The following MARCHF6 variants were observed in gnomAD, a reference collection of about 807,000 sequenced individuals.
MARCHF6 encodes the protein membrane associated ring-CH-type finger 6.
A neutral mutation model predicts 133.7 loss-of-function variants in MARCHF6; 31 were observed. That is an observed-to-expected ratio of 0.23 (90% confidence interval 0.17 to 0.31). The LOEUF (loss-of-function observed/expected upper bound fraction) is 0.31. Among genes scored for constraint, MARCHF6 ranks in the 10% least tolerant of loss-of-function variants. The pLI, the probability that MARCHF6 is intolerant of heterozygous loss-of-function variation, is 1.00. For missense variants in MARCHF6, 723 were observed against 1,121.6 expected, an observed-to-expected ratio of 0.64 and a Z score of 5.08; for synonymous variants, 395 against 402.5, an observed-to-expected ratio of 0.98 and a Z score of 0.22.
In MARCHF6 at chr5:10,378,697, G is replaced by T; in HGVS notation, c.117-62G>T. ...CATTTTTAATAAAAACAATGTTTTC[G>T]ACAAAACTGTAATGTTTCTTTGCTG... On this transcript the variant is annotated intron_variant, in intron 2 of 25. Coordinates refer to ENST00000274140, the MANE Select transcript of MARCHF6 (RefSeq NM_005885.4). 3.8e-6 allele frequency: 4 copies of T among 1,039,298 alleles called. No individual in the cohort carries two copies. The South Asian group carries it at 5.7e-5, about 15-fold the overall frequency. The allele number at this position is 1,039,298 out of a possible 1,614,324, so 64.4% of individuals were successfully genotyped here. A position where few individuals can be genotyped will look rare whatever the true frequency, so the allele number is the denominator to read the frequency against.
rs1470424251 is a variant in MARCHF6 at position 10,421,976 on chromosome 5, A to T, written c.2284-1759A>T. Reference sequence around the variant, plus strand: ...AGGAAGTTAAGGCAGAGCAGTCAGAACACATGCCAGTTTGACAGCACTGCT... The same window carrying T: ...AGGAAGTTAAGGCAGAGCAGTCAGATCACATGCCAGTTTGACAGCACTGCT... On this transcript the variant is annotated intron_variant, in intron 22 of 25. Coordinates refer to ENST00000274140, the MANE Select transcript of MARCHF6 (RefSeq NM_005885.4). 2.6e-5 allele frequency: 4 copies of T among 152,264 alleles called. No individual in the cohort carries two copies. The East Asian group carries it at 7.7e-4, about 29-fold the overall frequency. 9.4% of individuals were successfully genotyped at this position (152,264 alleles called of 1,614,324 possible). A position where few individuals can be genotyped will look rare whatever the true frequency, so the allele number is the denominator to read the frequency against.
intron 7 of MARCHF6, among the ~76,000 whole-genome samples, chr5:10,392,313 G>A (rs1196156519): frequency 6.6e-6 from 1 of 152,184 alleles, no homozygotes; most frequent in Admixed American, 6.5e-5. Context: ...AGTTGGATTA[G>A]GTACTACTTT....
chr5:10,429,396 T>G (rs1003511445), intron 24 of MARCHF6, among the ~76,000 whole-genome samples: 4 of 125,222 alleles, frequency 3.2e-5, no homozygotes, highest in Non-Finnish European at 6.3e-5. Context: ...GTCCAGTTCC[T>G]TTTTTTTTTT....
chr5:10,366,665 G>A (rs1317390400), intron 1 of MARCHF6, among the ~76,000 whole-genome samples: 1 of 152,222 alleles, frequency 6.6e-6, no homozygotes, highest in African/African-American at 2.4e-5. Context: ...AAAGGCAGCA[G>A]CCTAGCTTCC....
chr5:10,366,790 T>C (rs756149778), intron 1 of MARCHF6, among the ~76,000 whole-genome samples: 1 of 152,068 alleles, frequency 6.6e-6, no homozygotes, highest in Non-Finnish European at 1.5e-5. Context: ...ATGTACCTAA[T>C]CACAAGAAAC....
rs772912835 is a variant in MARCHF6, at chr5:10,411,436, G to T, written c.1795G>T (p.Val599Leu). 163 of 1,614,114 alleles carry T rather than the reference G, an allele frequency of 1.0e-4. No individual in the cohort carries two copies. The highest frequency in any genetic ancestry group is 1.4e-4 in the Non-Finnish European group (160 of 1,180,034). Residue 599 changes from valine (V) to leucine (L), a missense_variant, in exon 19 of 26, where the codon GTG (valine) becomes TTG (leucine). Around this residue, in one of 4 missense-constraint regions of MARCHF6, gnomAD observed 492 missense variants for 699.5 expected, o/e 0.70. Coordinates refer to ENST00000274140, the MANE Select transcript of MARCHF6 (RefSeq NM_005885.4). ...QHARNNNAIP[V>L]VGEGLHAAHQ... is the part of the protein sequence containing the mutation. ...TGCTCGAAATAACAACGCTATTCCT[G>T]TGGTGGGAGAAGGCCTTCATGCAGC...
chr5:10,353,738 C>T lies in MARCHF6; in HGVS notation c.-161C>T, dbSNP rs1410715360. The T allele has an allele frequency of 1.8e-6, 1 of 547,550 alleles. No individual in the cohort carries two copies. The highest frequency in any genetic ancestry group is 3.0e-5 in the Admixed American group (1 of 33,526). 33.9% of individuals were successfully genotyped at this position (547,550 alleles called of 1,614,324 possible). A position where few individuals can be genotyped will look rare whatever the true frequency, so the allele number is the denominator to read the frequency against. On this transcript the variant is annotated 5_prime_UTR_variant, in exon 1 of 26. Coordinates refer to ENST00000274140, the MANE Select transcript of MARCHF6 (RefSeq NM_005885.4). ...CCCGTGTCGCTCGCTTTCTGTCAGC[C>T]TCTCTCCCTCTCCCTCTCCCCTCTC...
At chr5:10,357,447 G>A (rs574187889) in intron 1 of MARCHF6, among the ~76,000 whole-genome samples, 1 of 151,110 alleles carries the variant, frequency 6.6e-6, no homozygotes, top group Admixed American at 6.6e-5. Context: ...GAATACCAAA[G>A]CAGCTGTTCT....
At chr5:10,417,534 C>A in intron 22 of MARCHF6, 130 bp downstream of exon 22, 1 of 1,221,418 alleles carries the variant, frequency 8.2e-7, no homozygotes, top group Non-Finnish European at 1.2e-6. Flanking sequence ...CTGCTTGCAC[C>A]CAGGAGTTCG....
chr5:10,376,268 C>T (rs776511889), intron 1 of MARCHF6, among the ~76,000 whole-genome samples: 34 of 152,136 alleles, frequency 2.2e-4, no homozygotes, highest in Non-Finnish European at 5.9e-5. Context: ...AGCGAGACCA[C>T]GAGCCCACCA....
At chr5:10,432,585 G>A (rs994028958) in intron 25 of MARCHF6, among the ~76,000 whole-genome samples, 1 of 152,230 alleles carries the variant, frequency 6.6e-6, no homozygotes, top group African/African-American at 2.4e-5. Flanking sequence ...AGCCTTCGAT[G>A]CAGCTGTCGC....
chr5:10,415,527 C>G lies in MARCHF6; in HGVS notation c.2006C>G (p.Thr669Ser). The G allele has an allele frequency of 6.2e-7, 1 of 1,606,914 alleles. No homozygotes were observed. ...TGGTTAATGTCGTTTTGGACGGGGA[C>G]TGCCAAAATCCATGAGCTCTACACA... Reference protein sequence around the residue: ...GRWLMSFWTGTAKIHELYTAA... With the variant: ...GRWLMSFWTGSAKIHELYTAA... Residue 669 changes from threonine to serine, a missense_variant, in exon 21 of 26, where the codon ACT (threonine) becomes AGT (serine). Thr to Ser is a moderately conservative substitution (Grantham distance 58, BLOSUM62 1). Around this residue, in one of 4 missense-constraint regions of MARCHF6, gnomAD observed 492 missense variants for 699.5 expected, o/e 0.70. Transcript: ENST00000274140.
intron 19 of MARCHF6, among the ~76,000 whole-genome samples, chr5:10,412,246 T>C (rs1473888817): frequency 2.6e-5 from 4 of 152,202 alleles, no homozygotes; most frequent in Non-Finnish European, 5.9e-5. Context: ...TGTCTATGAT[T>C]GATATTTTCA....
At chr5:10,367,479 C>T (rs1435133935) in intron 1 of MARCHF6, among the ~76,000 whole-genome samples, 1 of 152,146 alleles carries the variant, frequency 6.6e-6, no homozygotes, top group Non-Finnish European at 1.5e-5. Context: ...ATTAAATTAT[C>T]ACTGATTTAA....
chr5:10,378,965 G>T (rs1736957437), intron 3 of MARCHF6, 133 bp downstream of exon 3: 2 of 515,828 alleles, frequency 3.9e-6, no homozygotes, highest in African/African-American at 3.9e-5. Flanking sequence ...TTTTCAGCTT[G>T]ATTTTTTTTG....
At chr5:10,411,568 G>A (rs1325667935) in intron 19 of MARCHF6, 31 bp downstream of exon 19, 7 of 1,559,512 alleles carry the variant, frequency 4.5e-6, no homozygotes, top group Non-Finnish European at 6.1e-6. Context: ...ATCACATATA[G>A]AGGTTTTTTT....
chr5:10,395,529 C>A (rs1469397641), intron 9 of MARCHF6, among the ~76,000 whole-genome samples: 1 of 152,078 alleles, frequency 6.6e-6, no homozygotes. Context: ...AGGTGAGGAG[C>A]AATTCTTTAA....
chr5:10,412,470 G>A (rs1739283607), intron 19 of MARCHF6, among the ~76,000 whole-genome samples: 1 of 152,140 alleles, frequency 6.6e-6, no homozygotes, highest in Non-Finnish European at 1.5e-5. Flanking sequence ...AACATTGAGA[G>A]ACCTGTCAGA....
chr5:10,367,775 A>T (rs1296548705), intron 1 of MARCHF6, among the ~76,000 whole-genome samples: 1 of 151,128 alleles, frequency 6.6e-6, no homozygotes, highest in Admixed American at 6.6e-5. Flanking sequence ...TTTTTTAATT[A>T]AAAAAACCAC....
Sources: allele counts gnomAD v4.1 joint callset (sites outside exome capture counted in the v4.1 genomes callset), GRCh38; gene constraint gnomAD v4.1.1; regional missense constraint gnomAD v4.1.1; transcripts MANE v1.5; gene names NCBI Gene and HGNC (gene_info 2026-07-23, HGNC 2026-07-21).